DNM2: variants seen among roughly 807,000 people sequenced by gnomAD.
The protein encoded by DNM2 is dynamin 2.
A neutral mutation model predicts 99.0 loss-of-function variants in DNM2; 15 were observed. The observed-to-expected ratio is 0.15, with a 90% CI of 0.10 to 0.23. The LOEUF (loss-of-function observed/expected upper bound fraction) is 0.23, where lower values mean the gene tolerates loss of function less well. Among genes scored for constraint, DNM2 ranks in the 10% least tolerant of loss-of-function variants. The pLI, the probability that DNM2 is intolerant of heterozygous loss-of-function variation, is 1.00. For missense variants in DNM2, 742 were observed against 1,189.4 expected (o/e 0.62, Z 5.53); for synonymous variants, 525 against 481.2 (o/e 1.09, Z -1.19).
chr19:10,806,054 C>G lies in DNM2; in HGVS notation c.1545+87C>G, dbSNP rs895185756. ...CTAAGCCCCCGTGATGGAGCTCGGCCTGTGTAAAGCCCCACCCCACAGCCT... is the reference window on the plus strand; with the variant it reads ...CTAAGCCCCCGTGATGGAGCTCGGCGTGTGTAAAGCCCCACCCCACAGCCT... On this transcript the variant is annotated intron_variant, in intron 13 of 20. Coordinates refer to ENST00000389253, the MANE Select transcript of DNM2 (RefSeq NM_001005361.3). 3.4e-5 allele frequency: 53 copies of G among 1,549,292 alleles called. No individual in the cohort carries two copies. The African/African-American group carries it at 7.1e-4, about 21-fold the overall frequency.
chr19:10,797,171 C>A (rs2071964828), intron 9 of DNM2, among the ~76,000 whole-genome samples: 1 of 152,022 alleles, frequency 6.6e-6, no homozygotes, highest in African/African-American at 2.4e-5. Context: ...CCTTCTGTAA[C>A]TACACCCCAG....
intron 16 of DNM2, among the ~76,000 whole-genome samples, chr19:10,822,922 C>T (rs1568320520): frequency 1.3e-5 from 2 of 151,766 alleles, no homozygotes; most frequent in African/African-American, 2.4e-5. Flanking sequence ...CTGGCGAACA[C>T]GGTGAAACCC....
At chr19:10,828,189 T>C (rs1467514272) in intron 18 of DNM2, among the ~76,000 whole-genome samples, 1 of 152,090 alleles carries the variant, frequency 6.6e-6, no homozygotes, top group Non-Finnish European at 1.5e-5. Flanking sequence ...CTTGGGAGGT[T>C]GAGGCACAAG....
chr19:10,794,007 C>G, intron 8 of DNM2, 152 bp downstream of exon 8: 1 of 1,210,422 alleles, frequency 8.3e-7, no homozygotes. Context: ...TGAGGTGTCC[C>G]CATGGGCTTC....
chr19:10,826,544 T>G (rs192541150), intron 18 of DNM2, among the ~76,000 whole-genome samples: 1 of 152,336 alleles, frequency 6.6e-6, no homozygotes, highest in East Asian at 1.9e-4. Flanking sequence ...CTCAGGGCAC[T>G]TGTGTATCAG....
intron 1 of DNM2, among the ~76,000 whole-genome samples, chr19:10,724,398 C>T (rs1239785494): frequency 1.3e-5 from 2 of 152,068 alleles, no homozygotes; most frequent in East Asian, 1.9e-4. Context: ...AGGATGGTCT[C>T]GATCTCCTGA....
intron 18 of DNM2, among the ~76,000 whole-genome samples, chr19:10,825,690 GAGAA>G (rs1487334183): frequency 6.7e-6 from 1 of 148,652 alleles, no homozygotes; most frequent in South Asian, 2.2e-4. Flanking sequence ...GAGAGAGAGA[GAGAA>G]AAATACAAAA....
chr19:10,800,463 G>A (rs546322675), intron 11 of DNM2, among the ~76,000 whole-genome samples: 90 of 152,268 alleles, frequency 5.9e-4, no homozygotes, highest in Middle Eastern at 3.4e-3. Context: ...GAATGCTGCC[G>A]GCCCTTCCAC....
intron 13 of DNM2, among the ~76,000 whole-genome samples, chr19:10,807,555 TTTTTTTTTTTTG>T: frequency 7.3e-6 from 1 of 136,426 alleles, no homozygotes; most frequent in Non-Finnish European, 1.6e-5. Context: ...TTTTTTTTTT[TTTTTTTTTTTTG>T]AGACAGAGTC....
intron 2 of DNM2, among the ~76,000 whole-genome samples, chr19:10,760,316 C>T (rs959353817): frequency 2.6e-5 from 4 of 151,952 alleles, no homozygotes; most frequent in Admixed American, 6.6e-5. Context: ...GCTGGGATTA[C>T]GGGCATGAGC....
chr19:10,748,158 A>T lies in DNM2; in HGVS notation c.162-11580A>T, dbSNP rs191709997. ...TGAAGCGGGAGCCCAAGGAGGGCCC[A>T]TAACAAAGGGGTTTACAGTGACATG... On this transcript the variant is annotated intron_variant, in intron 1 of 20. Transcript: ENST00000389253. 5.9e-5 allele frequency among the ~76,000 whole-genome samples: 9 copies of T among 152,310 alleles called. No homozygotes were observed. The East Asian group carries it at 1.7e-3, about 29-fold the overall frequency.
intron 3 of DNM2, among the ~76,000 whole-genome samples, chr19:10,773,838 C>T (rs1460688535): frequency 1.3e-5 from 2 of 151,910 alleles, no homozygotes; most frequent in Non-Finnish European, 2.9e-5. Flanking sequence ...GTCTCGAACT[C>T]CTAACCTCAG....
intron 2 of DNM2, among the ~76,000 whole-genome samples, chr19:10,767,373 G>A (rs2070832535): frequency 6.6e-6 from 1 of 152,150 alleles, no homozygotes; most frequent in Admixed American, 6.5e-5. Context: ...GTGCAGTGGC[G>A]TGATCACAGC....
At position 10,796,137 on chromosome 19, in the gene DNM2, C is replaced by G. The variant is rs879253980; in HGVS notation, c.1196+698C>G. ...GGTCGTCAAGCTGAAAGAGCCCTGTCTGAAATGTGTCGACCTGGTTATCCA... is the reference window on the plus strand; with the variant it reads ...GGTCGTCAAGCTGAAAGAGCCCTGTGTGAAATGTGTCGACCTGGTTATCCA... On this transcript the variant is annotated intron_variant, in intron 9 of 20. Transcript: ENST00000389253. This position sits in a 1 kb window ranked among gnomAD's most constrained non-coding sequence, Gnocchi z 5.6. 1 of 1,614,058 alleles carries G rather than the reference C, an allele frequency of 6.2e-7. No individual in the cohort carries two copies. The highest frequency in any genetic ancestry group is 1.3e-5 in the African/African-American group (1 of 74,930).
At position 10,831,352 on chromosome 19, in the gene DNM2, TG is replaced by T. The variant is rs886054146; in HGVS notation, c.*312del. The stretch of plus-strand genomic sequence containing the variant: ...ACCATCCTGAATGAGGGGTCCAGCC[TG>T]GGGGGGACTCTACCAAGGTCTTCTT... On this transcript the variant is annotated 3_prime_UTR_variant, in exon 21 of 21. Coordinates refer to ENST00000389253, the MANE Select transcript of DNM2 (RefSeq NM_001005361.3). The surrounding 1 kb of genome is among the most constrained non-coding windows in gnomAD (Gnocchi z 4.3). 1.2e-5 allele frequency: 14 copies of T among 1,155,532 alleles called. No homozygotes were observed. Among genetic ancestry groups the T allele is most frequent in the East Asian group, 4.6e-5 (1 of 21,944 alleles). 71.6% of individuals were successfully genotyped at this position (1,155,532 alleles called of 1,614,324 possible).
At chr19:10,739,964 A>T (rs762230109) in intron 1 of DNM2, among the ~76,000 whole-genome samples, 2 of 150,280 alleles carry the variant, frequency 1.3e-5, no homozygotes, top group Non-Finnish European at 3.0e-5. Context: ...AATTTCTTGT[A>T]CATCTATTGA....
Position 10,815,094 on chromosome 19 carries a change from CT to C in DNM2, c.1671+2718del, listed in dbSNP as rs199504292. Among the ~76,000 whole-genome samples, 14 of 152,262 alleles carry C rather than the reference CT, an allele frequency of 9.2e-5. No homozygotes were observed. In the East Asian group the frequency reaches 2.7e-3, roughly 29 times the overall value. On this transcript the variant is annotated intron_variant, in intron 15 of 20. Coordinates refer to ENST00000389253, the MANE Select transcript of DNM2 (RefSeq NM_001005361.3). ...ATGAAGGCTCTTAAAGAGATGAAGT[CT>C]GTTTCTTGCTCACGTCTCAGTGAGC...
intron 1 of DNM2, among the ~76,000 whole-genome samples, chr19:10,758,239 TTCCTTTCTTCCTTCCCTCCTTCCTTCCC>T: frequency 6.6e-6 from 1 of 150,776 alleles, no homozygotes; most frequent in Non-Finnish European, 1.5e-5. Flanking sequence ...ATGGAATTGA[TTCCTTTCTTCCTTCCCTCCTTCCTTCCC>T]TCCTTCCTTC....
In DNM2 at chr19:10,719,091, T is replaced by C. The variant is rs540013692; in HGVS notation, c.161+688T>C. On this transcript the variant is annotated intron_variant, in intron 1 of 20. Coordinates refer to ENST00000389253, the MANE Select transcript of DNM2 (RefSeq NM_001005361.3). The stretch of plus-strand genomic sequence containing the variant: ...ACTCCTAGGGGACCCTGTTTGATTC[T>C]CTCTGGCTGACTCTTACAGCTTGAT... Among the ~76,000 whole-genome samples, 91 of 152,292 alleles carry C rather than the reference T, an allele frequency of 6.0e-4. 2 individuals carry two copies. The highest frequency in any genetic ancestry group is 2.2e-3 in the African/African-American group (90 of 41,576).
Sources: gnomAD v4.1 joint callset for allele counts (sites outside exome capture counted in the v4.1 genomes callset) on GRCh38, gnomAD v4.1.1 for gene constraint, Gnocchi (gnomAD v3.1) non-coding constraint, MANE v1.5 for transcripts, NCBI Gene and HGNC (gene_info 2026-07-23, HGNC 2026-07-21) for gene names.